NEK11: variants seen among roughly 807,000 people sequenced by gnomAD.
NEK11 encodes serine/threonine-protein kinase Nek11.
In NEK11, 72 loss-of-function variants were observed where a neutral mutation model predicts 80.7. That is an observed-to-expected ratio of 0.89 (90% CI 0.74 to 1.08). The LOEUF is 1.08. Ranked by LOEUF, NEK11 falls within the 50% of genes least tolerant of loss-of-function variation. The pLI is 0.00. For synonymous variants in NEK11, 251 were observed against 260.7 expected (o/e 0.96, Z 0.36); for missense variants, 764 against 763.6 (o/e 1.00, Z -0.01).
At chr3:131,038,571 A>AG (rs1054122326) in intron 3 of NEK11, among the ~76,000 whole-genome samples, 2 of 152,176 alleles carry the variant, frequency 1.3e-5, no homozygotes, top group African/African-American at 4.8e-5. Flanking sequence ...TGGCTTAGGC[A>AG]GGGGGCCAAA....
chr3:131,083,553 T>C (rs1326734146), intron 4 of NEK11, among the ~76,000 whole-genome samples: 1 of 152,214 alleles, frequency 6.6e-6, no homozygotes, highest in Non-Finnish European at 1.5e-5. Context: ...GTTATCCTTT[T>C]TATTAAGGTA....
chr3:131,059,052 A>G (rs1198175450), intron 3 of NEK11, among the ~76,000 whole-genome samples: 1 of 152,222 alleles, frequency 6.6e-6, no homozygotes, highest in African/African-American at 2.4e-5. Flanking sequence ...AAAATTGTTA[A>G]TACAAGGTGT....
chr3:131,222,947 C>T (rs1196396033), intron 14 of NEK11, among the ~76,000 whole-genome samples: 1 of 152,202 alleles, frequency 6.6e-6, no homozygotes, highest in Non-Finnish European at 1.5e-5. Flanking sequence ...AGGGTGATGT[C>T]TTCGTTTTTC....
intron 5 of NEK11, among the ~76,000 whole-genome samples, chr3:131,130,948 C>T (rs2084337353): frequency 6.6e-6 from 1 of 152,094 alleles, no homozygotes; most frequent in South Asian, 2.1e-4. Context: ...ATTACAGGCC[C>T]CTGCCACCAT....
At position 131,195,067 on chromosome 3, in the gene NEK11, C is replaced by T. The variant is rs144915723; in HGVS notation, c.1399+24180C>T. On this transcript the variant is annotated intron_variant, in intron 14 of 17. Coordinates refer to ENST00000383366, the MANE Select transcript of NEK11 (RefSeq NM_024800.5). ...CTCATCTCAAGTGCTGCATTTGCCT[C>T]CAGCTAGTCTCCTGCCCGCAACGAG... Among the ~76,000 whole-genome samples, 3 of 152,292 alleles carry T rather than the reference C, an allele frequency of 2.0e-5. No individual in the cohort carries two copies. In the East Asian group the frequency reaches 5.8e-4, roughly 29 times the overall value.
chr3:131,333,491 C>T (rs1002327121), intron 17 of NEK11, among the ~76,000 whole-genome samples: 16 of 152,150 alleles, frequency 1.1e-4, no homozygotes, highest in Admixed American at 2.0e-4. Context: ...AAGGAACAAC[C>T]GGTACCAGCC....
At chr3:131,204,805 T>A (rs991077028) in intron 14 of NEK11, among the ~76,000 whole-genome samples, 1 of 152,036 alleles carries the variant, frequency 6.6e-6, no homozygotes, top group Admixed American at 6.6e-5. Flanking sequence ...TTGATGCAAA[T>A]CAGTAGGCAT....
chr3:131,207,411 A>C (rs1249594957), intron 14 of NEK11, among the ~76,000 whole-genome samples: 3 of 152,060 alleles, frequency 2.0e-5, no homozygotes, highest in African/African-American at 2.4e-5. Flanking sequence ...GTGAAACGCT[A>C]TCTCTACTAA....
intron 17 of NEK11, among the ~76,000 whole-genome samples, chr3:131,283,050 T>C (rs1434151380): frequency 6.6e-6 from 1 of 152,160 alleles, no homozygotes; most frequent in East Asian, 1.9e-4. Flanking sequence ...CTCCATTTTA[T>C]AGGTAAAGAG....
chr3:131,228,805 A>G, intron 15 of NEK11, 117 bp downstream of exon 15: 3 of 995,792 alleles, frequency 3.0e-6, no homozygotes, highest in Middle Eastern at 2.8e-4. Flanking sequence ...CAGGGTTATT[A>G]TAATAGCTAC....
chr3:131,067,475 A>T (rs1243684924), intron 3 of NEK11, among the ~76,000 whole-genome samples: 1 of 152,194 alleles, frequency 6.6e-6, no homozygotes, highest in Non-Finnish European at 1.5e-5. Flanking sequence ...GGCTTATGAC[A>T]CTCAGGATCC....
chr3:131,249,333 G>A (rs549415862), intron 16 of NEK11, among the ~76,000 whole-genome samples: 6 of 152,190 alleles, frequency 3.9e-5, no homozygotes, highest in African/African-American at 1.4e-4. Context: ...TCTCATAAAT[G>A]CTCAAGATTT....
chr3:131,080,121 G>A (rs770271816), intron 3 of NEK11, among the ~76,000 whole-genome samples: 1 of 151,848 alleles, frequency 6.6e-6, no homozygotes, highest in Non-Finnish European at 1.5e-5. Context: ...GAGAAACCAA[G>A]AGACACTGAA....
In NEK11 at chr3:131,129,760, G is replaced by A. The variant is rs140117172; in HGVS notation, c.456-2985G>A. 2.3e-3 allele frequency among the ~76,000 whole-genome samples: 357 copies of A among 152,166 alleles called. 1 individual carries two copies. The highest frequency in any genetic ancestry group is 8.0e-3 in the African/African-American group (333 of 41,518). On this transcript the variant is annotated intron_variant, in intron 5 of 17. Transcript: ENST00000383366. ...TCAAAGATCAGTTGACTGTATTCAC[G>A]CAGTTTTATTTCTGGGCTCTCTATT... is the stretch of plus-strand genomic sequence containing the variant.
chr3:131,179,888 A>C (rs901010786), intron 14 of NEK11, among the ~76,000 whole-genome samples: 1 of 152,184 alleles, frequency 6.6e-6, no homozygotes, highest in African/African-American at 2.4e-5. Context: ...AAAGTACAAT[A>C]TTATATTTCT....
chr3:131,133,303 G>T lies in NEK11; in HGVS notation c.520+494G>T, dbSNP rs556070700. The T allele has an allele frequency of 1.7e-3, 762 of 454,432 alleles. 3 individuals are homozygous for T. Among genetic ancestry groups the T allele is most frequent in the Non-Finnish European group, 2.4e-3 (544 of 226,640 alleles). The allele number at this position is 454,432 out of a possible 1,614,324, so 28.1% of individuals were successfully genotyped here. A position where few individuals can be genotyped will look rare whatever the true frequency, so the allele number is the denominator to read the frequency against. The stretch of plus-strand genomic sequence containing the variant: ...TACTGGATCATCTAATCATCATATA[G>T]GGTGTACTTGGGGAAGGAAGGAAGG... On this transcript the variant is annotated intron_variant, in intron 6 of 17. Coordinates refer to ENST00000383366, the MANE Select transcript of NEK11 (RefSeq NM_024800.5).
At position 131,152,518 on chromosome 3, in the gene NEK11, C is replaced by G. The variant is rs374241502; in HGVS notation, c.778C>G (p.Leu260Val). ...PSLPERYPKE[L>V]NAIMESMLNK... is the part of the protein sequence containing the mutation. ...TCTCCCTGAGAGATATCCAAAAGAA[C>G]TAAATGCCATCATGGAAAGGTATAG... Residue 260 changes from leucine to valine, a missense_variant, in exon 8 of 18, where the codon CTA (leucine) becomes GTA (valine). Coordinates refer to ENST00000383366, the MANE Select transcript of NEK11 (RefSeq NM_024800.5). 119 of 1,613,164 alleles carry G rather than the reference C, an allele frequency of 7.4e-5. No homozygotes were observed. Among genetic ancestry groups the G allele is most frequent in the Non-Finnish European group, 9.8e-5 (116 of 1,179,656 alleles).
At chr3:131,252,254 T>G (rs779312982) in intron 16 of NEK11, among the ~76,000 whole-genome samples, 3 of 152,116 alleles carry the variant, frequency 2.0e-5, no homozygotes, top group Non-Finnish European at 2.9e-5. Context: ...TCATGCTCAT[T>G]ATCTGCCTAG....
intron 14 of NEK11, chr3:131,174,815 G>A (rs1439597654): frequency 6.2e-7 from 1 of 1,609,008 alleles, no homozygotes; most frequent in Non-Finnish European, 8.5e-7. Context: ...AGCTGGAATA[G>A]CCTGAGACTC....
Sources: gnomAD v4.1 joint callset for allele counts (sites outside exome capture counted in the v4.1 genomes callset) on GRCh38, gnomAD v4.1.1 for gene constraint, MANE v1.5 for transcripts, NCBI Gene and HGNC (gene_info 2026-07-23, HGNC 2026-07-21) for gene names.